ALDH4A1: variants seen among roughly 807,000 people sequenced by gnomAD.
ALDH4A1 encodes delta-1-pyrroline-5-carboxylate dehydrogenase, mitochondrial.
Under a neutral mutation model 70.5 loss-of-function variants are expected in ALDH4A1, and 46 were observed. The observed-to-expected ratio is 0.65, with a 90% CI of 0.51 to 0.83. The LOEUF is 0.83. Ranked by LOEUF, ALDH4A1 falls within the 40% of genes least tolerant of loss-of-function variation. ALDH4A1 has a pLI of 0.00. For missense variants in ALDH4A1, 749 were observed against 766.5 expected (o/e 0.98, Z 0.27); for synonymous variants, 323 against 324.3 (o/e 1.00, Z 0.04).
chr1:18,872,959 T>C lies in ALDH4A1; in HGVS notation c.1580-2A>G, dbSNP rs747720950. 2.5e-6 allele frequency: 4 copies of C among 1,613,036 alleles called. No individual in the cohort carries two copies. The East Asian group carries it at 6.7e-5, about 27-fold the overall frequency. On this transcript the variant is annotated splice_acceptor_variant, in intron 14 of 14. Transcript: ENST00000375341. LOFTEE classifies it high-confidence loss of function. ...GGCCCCCTGGCTTGTCATTGGTTCC[T>C]GCGGAAAAGACACTTCTGTTTTTCT...
At chr1:18,878,717 G>A (rs1014524773) in intron 9 of ALDH4A1, among the ~76,000 whole-genome samples, 3 of 152,172 alleles carry the variant, frequency 2.0e-5, no homozygotes, top group African/African-American at 7.2e-5. Context: ...AGCATTCAAG[G>A]CTCTGAGAAG....
At position 18,879,311 on chromosome 1, in the gene ALDH4A1, C is replaced by A; in HGVS notation, c.929G>T (p.Arg310Leu). The A allele has an allele frequency of 1.9e-6, 3 of 1,609,272 alleles. No homozygotes were observed. The highest frequency in any genetic ancestry group is 2.5e-6 in the Non-Finnish European group (3 of 1,177,998). Residue 310 changes from arginine to leucine, a missense_variant, in exon 9 of 15, where the codon CGC becomes CTC. Transcript: ENST00000375341. Reference protein sequence around the residue: ...QNLDRFHTFPRLAGECGGKNF... With the variant: ...QNLDRFHTFPLLAGECGGKNF... The stretch of plus-strand genomic sequence containing the variant: ...GAGGCAGGCCTTACCTCCAGCCAGG[C>A]GTGGGAAGGTGTGGAACCGGTCCAG...
In ALDH4A1 at chr1:18,880,221, G is replaced by A. The variant is rs1413668729; in HGVS notation, c.867-848C>T. ...TGGCAGAGCCTGGGGCCTGGAAGAG[G>A]AGGTAAGAAGGACCCTGAGCTGCAG... is the stretch of plus-strand genomic sequence containing the variant. On this transcript the variant is annotated intron_variant, in intron 8 of 14. Transcript: ENST00000375341. This position sits in a 1 kb window ranked among gnomAD's most constrained non-coding sequence, Gnocchi z 5.1. Among the ~76,000 whole-genome samples the A allele has an allele frequency of 7.4e-6, 1 of 134,762 alleles. No homozygotes were observed. The highest frequency in any genetic ancestry group is 1.6e-5 in the Non-Finnish European group (1 of 62,610). The allele number at this position is 134,762 out of a possible 152,430, so 88.4% of individuals were successfully genotyped here.
At position 18,881,713 on chromosome 1, in the gene ALDH4A1, T is replaced by C. The variant is rs899681880; in HGVS notation, c.853A>G (p.Thr285Ala). 6.2e-7 allele frequency: 1 copy of C among 1,614,042 alleles called. No homozygotes were observed. The highest frequency in any genetic ancestry group is 1.3e-5 in the African/African-American group (1 of 75,040). ...CCAGGGACTTACGGCACACTGCCTG[T>C]GAAGTTGATGCCACAGAGGTGCTCT... ...SSEHLCGINF[T>A]GSVPTFKHLW... Residue 285 changes from threonine (T) to alanine (A), a missense_variant, in exon 8 of 15, where the codon ACA becomes GCA. Physicochemically the swap from Thr to Ala is moderately conservative, Grantham distance 58. Coordinates refer to ENST00000375341, the MANE Select transcript of ALDH4A1 (RefSeq NM_003748.4).
At chr1:18,875,308 G>A (rs546904506) in intron 13 of ALDH4A1, 74 bp downstream of exon 13, 189 of 1,609,160 alleles carry the variant, frequency 1.2e-4, no homozygotes, top group Non-Finnish European at 1.4e-4. Flanking sequence ...TGGGAACCAC[G>A]TCCAGGAGGT....
chr1:18,899,551 G>A (rs1935731854), intron 1 of ALDH4A1, among the ~76,000 whole-genome samples: 1 of 152,234 alleles, frequency 6.6e-6, no homozygotes, highest in African/African-American at 2.4e-5. Context: ...AAAACAGGAA[G>A]TCAGGGTTAA....
Position 18,872,631 on chromosome 1 carries a change from A to C in ALDH4A1, c.*214T>G. ...ATACCTCCCACATGGCCGATGGGAT[A>C]AGGGGTAGTGGCCATGTTCCTCCCC... is the stretch of plus-strand genomic sequence containing the variant. On this transcript the variant is annotated 3_prime_UTR_variant, in exon 15 of 15. Transcript: ENST00000375341. 1 of 522,122 alleles carries C rather than the reference A, an allele frequency of 1.9e-6. No homozygotes were observed. The highest frequency in any genetic ancestry group is 2.5e-5 in the South Asian group (1 of 40,776). The allele number at this position is 522,122 out of a possible 1,614,324, so 32.3% of individuals were successfully genotyped here.
At position 18,888,629 on chromosome 1, in the gene ALDH4A1, G is replaced by C. The variant is rs541180850; in HGVS notation, c.249+733C>G. Among the ~76,000 whole-genome samples, 34 of 152,340 alleles carry C rather than the reference G, an allele frequency of 2.2e-4. 1 individual carries two copies. In the South Asian group the frequency reaches 6.0e-3, roughly 27 times the overall value. ...GAGACAACCAGGGAGCTGGGTGGCA[G>C]GTGCTGCTGTCAGCTGGCACCTGCA... On this transcript the variant is annotated intron_variant, in intron 3 of 14. Coordinates refer to ENST00000375341, the MANE Select transcript of ALDH4A1 (RefSeq NM_003748.4).
Position 18,883,390 on chromosome 1 carries a change from C to T in ALDH4A1, c.492G>A (p.Ala164=), listed in dbSNP as rs757586223. 14 of 1,613,474 alleles carry T rather than the reference C, an allele frequency of 8.7e-6. No homozygotes were observed. In the South Asian group the frequency reaches 9.9e-5, roughly 11 times the overall value. The change falls in exon 6 of 15, where the codon GCG becomes GCA. Residue 164 remains alanine (A), a synonymous_variant. Coordinates refer to ENST00000375341, the MANE Select transcript of ALDH4A1 (RefSeq NM_003748.4). ...TGAACCGGAAGAAGTCGATGAGTTC[C>T]GCTGCAGCGTCAATCTCCGCTTGGA... ...TVIQAEIDAA[A]ELIDFFRFNA...
intron 3 of ALDH4A1, among the ~76,000 whole-genome samples, chr1:18,888,032 A>G (rs553312749): frequency 2.2e-4 from 33 of 152,296 alleles, no homozygotes; most frequent in Middle Eastern, 3.4e-3. Flanking sequence ...TTTGCTACCT[A>G]TCCGTCTTCT....
chr1:18,881,143 C>T (rs145861775), intron 8 of ALDH4A1, among the ~76,000 whole-genome samples: 118 of 152,260 alleles, frequency 7.7e-4, no homozygotes, highest in African/African-American at 2.6e-3. Context: ...AAACCATGCC[C>T]TGCCCTCACT....
At chr1:18,886,967 C>A (rs1935225726) in intron 3 of ALDH4A1, among the ~76,000 whole-genome samples, 1 of 152,280 alleles carries the variant, frequency 6.6e-6, no homozygotes, top group African/African-American at 2.4e-5. Context: ...GATGAAAATT[C>A]TTTGGTCCAG....
intron 3 of ALDH4A1, 29 bp from the exon 4 acceptor site, chr1:18,886,540 C>A (rs1935209859): frequency 3.1e-6 from 5 of 1,612,680 alleles, no homozygotes; most frequent in Non-Finnish European, 4.2e-6. Context: ...GAGGTCCTTG[C>A]CCGGGAGGGA....
chr1:18,887,326 G>A (rs1304265560), intron 3 of ALDH4A1, among the ~76,000 whole-genome samples: 7 of 152,264 alleles, frequency 4.6e-5, no homozygotes, highest in East Asian at 1.9e-4. Context: ...TTGGCCGGGC[G>A]CGGTGGCTCA....
chr1:18,901,644 G>A, intron 1 of ALDH4A1, among the ~76,000 whole-genome samples: 1 of 152,178 alleles, frequency 6.6e-6, no homozygotes, highest in East Asian at 1.9e-4. Flanking sequence ...GTCCACCCCT[G>A]AACTGCTCCT....
rs567103023 is a variant in ALDH4A1, at chr1:18,875,638, G to A, written c.1339-135C>T. 4.2e-6 allele frequency: 6 copies of A among 1,423,736 alleles called. No homozygotes were observed. In the African/African-American group the frequency reaches 7.1e-5, roughly 17 times the overall value. The allele number at this position is 1,423,736 out of a possible 1,614,324, so 88.2% of individuals were successfully genotyped here. ...GTTTACACTTCAGTGTCTGCAAGAAGGGTCAGGTGTCGCCTCCTCCTGGGT... is the reference window on the plus strand; with the variant it reads ...GTTTACACTTCAGTGTCTGCAAGAAAGGTCAGGTGTCGCCTCCTCCTGGGT... On this transcript the variant is annotated intron_variant, in intron 12 of 14. Coordinates refer to ENST00000375341, the MANE Select transcript of ALDH4A1 (RefSeq NM_003748.4).
intron 5 of ALDH4A1, 125 bp downstream of exon 5, chr1:18,885,348 A>C: frequency 3.2e-6 from 3 of 944,274 alleles, no homozygotes; most frequent in South Asian, 3.1e-5. Flanking sequence ...CCTTGAGGAC[A>C]TCTCTGGGTC....
rs759687717 is a variant in ALDH4A1, at chr1:18,876,601, G to A, written c.1186-134C>T. Reference sequence around the variant, plus strand: ...TGAAACAGGGGCAGGGGTAGGGGACGCCAAGGGCAAAAGCCAGGGTCTGGC... The same window carrying A: ...TGAAACAGGGGCAGGGGTAGGGGACACCAAGGGCAAAAGCCAGGGTCTGGC... On this transcript the variant is annotated intron_variant, in intron 11 of 14. Coordinates refer to ENST00000375341, the MANE Select transcript of ALDH4A1 (RefSeq NM_003748.4). The A allele has an allele frequency of 8.7e-5, 89 of 1,026,158 alleles. 1 individual carries two copies. The highest frequency in any genetic ancestry group is 7.1e-5 in the Non-Finnish European group (51 of 722,970). 63.6% of individuals were successfully genotyped at this position (1,026,158 alleles called of 1,614,324 possible).
At chr1:18,901,930 GA>G (rs77510825) in intron 1 of ALDH4A1, among the ~76,000 whole-genome samples, 6,977 of 98,998 alleles carry the variant, frequency 0.07, 185 homozygotes, top group Middle Eastern at 0.12. Context: ...CATTTAACTT[GA>G]AAAAAAAAAA....
Sources: allele counts gnomAD v4.1 joint callset (sites outside exome capture counted in the v4.1 genomes callset), GRCh38; gene constraint gnomAD v4.1.1; non-coding constraint Gnocchi (gnomAD v3.1); transcripts MANE v1.5; gene names NCBI Gene and HGNC (gene_info 2026-07-23, HGNC 2026-07-21).